Variants in ACTR3C observed in about 807,000 individuals in gnomAD.
The protein encoded by ACTR3C is actin-related protein 3C.
ACTR3C carries 18 observed loss-of-function variants against 26.3 expected under a neutral mutation model. The observed-to-expected ratio is 0.68, with a 90% confidence interval of 0.47 to 1.01. The LOEUF (loss-of-function observed/expected upper bound fraction) is 1.01, where lower values mean the gene tolerates loss of function less well. ACTR3C is among the 50% of genes least tolerant of loss of function. The pLI, the probability that ACTR3C is intolerant of heterozygous loss-of-function variation, is 0.00. For missense variants in ACTR3C, 184 were observed against 250.7 expected, an observed-to-expected ratio of 0.73 and a Z score of 1.80; for synonymous variants, 55 against 94.5, an observed-to-expected ratio of 0.58 and a Z score of 2.42.
At chr7:149,902,118 A>T in the ACTR3C span, among the ~76,000 whole-genome samples, 20 of 152,078 alleles carry the variant, frequency 1.3e-4, no homozygotes, top group Non-Finnish European at 2.1e-4. Context: ...TAAGACACAG[A>T]TACTTTAGAA....
chr7:150,276,165 G>T (rs1834861235), intron 6 of ACTR3C, among the ~76,000 whole-genome samples: 1 of 152,114 alleles, frequency 6.6e-6, no homozygotes, highest in African/African-American at 2.4e-5. Flanking sequence ...AGAAAGATTG[G>T]AAATAAAATC....
chr7:150,215,168 TA>T, the ACTR3C span, among the ~76,000 whole-genome samples: 5 of 152,106 alleles, frequency 3.3e-5, no homozygotes, highest in East Asian at 9.7e-4. Flanking sequence ...AGAAGGCTAT[TA>T]AATTTCCACA....
chr7:150,132,865 T>G, the ACTR3C span, among the ~76,000 whole-genome samples: 1 of 152,112 alleles, frequency 6.6e-6, no homozygotes, highest in Non-Finnish European at 1.5e-5. Context: ...CCACCAATGG[T>G]GAACTGGATG....
At chr7:150,194,266 T>TTA in the ACTR3C span, among the ~76,000 whole-genome samples, 1 of 146,006 alleles carries the variant, frequency 6.8e-6, no homozygotes, top group Non-Finnish European at 1.5e-5. Context: ...GTATTTTCTT[T>TTA]TATATATTAT....
the ACTR3C span, among the ~76,000 whole-genome samples, chr7:149,960,247 TAAGG>T: frequency 1.3e-5 from 2 of 151,794 alleles, no homozygotes; most frequent in Non-Finnish European, 2.9e-5. Flanking sequence ...GCCTGAGTAA[TAAGG>T]AAGAAGATAT....
the ACTR3C span, among the ~76,000 whole-genome samples, chr7:149,945,643 G>A: frequency 6.6e-6 from 1 of 152,120 alleles, no homozygotes; most frequent in African/African-American, 2.4e-5. Flanking sequence ...GATGGGGGAG[G>A]CCTGGGGCAA....
intron 2 of ACTR3C, among the ~76,000 whole-genome samples, chr7:150,293,761 C>T (rs548486635): frequency 1.4e-4 from 22 of 152,122 alleles, no homozygotes; most frequent in Middle Eastern, 3.2e-3. Flanking sequence ...CATGGTGAAA[C>T]CCCATCTCTA....
At chr7:149,929,502 T>C in the ACTR3C span, among the ~76,000 whole-genome samples, 1 of 147,564 alleles carries the variant, frequency 6.8e-6, no homozygotes, top group African/African-American at 2.5e-5. Context: ...AATAGAGTAC[T>C]TACGTAAAAT....
At chr7:150,039,727 CA>C in the ACTR3C span, among the ~76,000 whole-genome samples, 96 of 136,920 alleles carry the variant, frequency 7.0e-4, 3 homozygotes, top group East Asian at 0.019. Flanking sequence ...TCTCAGTCCC[CA>C]CCCTCGCGGG....
the ACTR3C span, among the ~76,000 whole-genome samples, chr7:149,966,610 A>C: frequency 6.6e-6 from 1 of 152,194 alleles, no homozygotes; most frequent in Non-Finnish European, 1.5e-5. Flanking sequence ...CAGATCTTAC[A>C]GCTGGCAAGT....
the ACTR3C span, among the ~76,000 whole-genome samples, chr7:150,101,241 C>G: frequency 6.6e-6 from 1 of 151,596 alleles, no homozygotes; most frequent in African/African-American, 2.4e-5. Context: ...TCAAACAAAG[C>G]CTTGCAGATG....
At chr7:150,313,132 C>T (rs1796475297) in intron 1 of ACTR3C, among the ~76,000 whole-genome samples, 1 of 152,214 alleles carries the variant, frequency 6.6e-6, no homozygotes, top group Non-Finnish European at 1.5e-5. Flanking sequence ...CTGTAACTTT[C>T]CACTACCTAC....
intron 1 of ACTR3C, among the ~76,000 whole-genome samples, chr7:150,311,121 G>T (rs1230719229): frequency 6.6e-6 from 1 of 152,120 alleles, no homozygotes; most frequent in Non-Finnish European, 1.5e-5. Context: ...GCTCACTAAA[G>T]GTGATTTAAC....
the ACTR3C span, among the ~76,000 whole-genome samples, chr7:150,152,370 A>C: frequency 6.6e-6 from 1 of 152,126 alleles, no homozygotes; most frequent in African/African-American, 2.4e-5. Flanking sequence ...ATTTTGTCAA[A>C]GGCCTTTTCT....
the ACTR3C span, among the ~76,000 whole-genome samples, chr7:150,193,254 G>A: frequency 0.045 from 6,870 of 151,730 alleles, 352 homozygotes; most frequent in East Asian, 0.16. Flanking sequence ...AAGCTTATGG[G>A]CATAGAATTG....
At chr7:150,052,916 T>G in the ACTR3C span, among the ~76,000 whole-genome samples, 1 of 89,580 alleles carries the variant, frequency 1.1e-5, no homozygotes, top group South Asian at 4.3e-4. Flanking sequence ...TTCATGCATG[T>G]CCCTTCTCTG....
chr7:149,983,290 A>G, the ACTR3C span, among the ~76,000 whole-genome samples: 1 of 151,742 alleles, frequency 6.6e-6, no homozygotes, highest in Admixed American at 6.6e-5. Context: ...CAAAGAAAAC[A>G]TACAAATGGC....
At chr7:150,154,243 T>A in the ACTR3C span, among the ~76,000 whole-genome samples, 4 of 152,158 alleles carry the variant, frequency 2.6e-5, no homozygotes, top group African/African-American at 9.6e-5. Flanking sequence ...AAAAATTTCC[T>A]CACCAGGCAC....
the ACTR3C span, among the ~76,000 whole-genome samples, chr7:150,011,900 C>T: frequency 6.6e-5 from 10 of 152,096 alleles, no homozygotes; most frequent in African/African-American, 1.9e-4. Flanking sequence ...GTCTAGTTGG[C>T]GAGATGCATT....
Sources: gnomAD v4.1 joint callset for allele counts (sites outside exome capture counted in the v4.1 genomes callset) on GRCh38, gnomAD v4.1.1 for gene constraint, MANE v1.5 for transcripts, NCBI Gene and HGNC (gene_info 2026-07-23, HGNC 2026-07-21) for gene names.